SPATA9: variants seen among roughly 807,000 people sequenced by gnomAD.
SPATA9 encodes the protein spermatogenesis associated 9, also known as spermatogenesis-associated protein 9.
A neutral mutation model predicts 25.5 loss-of-function variants in SPATA9; 27 were observed. The ratio of observed to expected loss-of-function variants is 1.06; its 90% CI spans 0.78 to 1.46. SPATA9 has a LOEUF of 1.46. Among genes scored for constraint, SPATA9 ranks in the 40% most tolerant of loss-of-function variants. The pLI, the probability that SPATA9 is intolerant of heterozygous loss-of-function variation, is 0.00. For missense variants in SPATA9, 282 were observed against 297.5 expected (o/e 0.95, Z 0.38); for synonymous variants, 102 against 105.7 (o/e 0.97, Z 0.21).
intron 2 of SPATA9, among the ~76,000 whole-genome samples, chr5:95,681,698 G>A (rs571328617): frequency 6.6e-6 from 1 of 152,300 alleles, no homozygotes; most frequent in South Asian, 2.1e-4. Flanking sequence ...CGTGGTTAAA[G>A]TTAGCTCTAA....
At chr5:95,684,740 A>T (rs1753692923), upstream of SPATA9, 1 of 152,158 alleles carries the variant, frequency 6.6e-6, no homozygotes, top group African/African-American at 2.4e-5. Context: ...TATGCATCTT[A>T]TGTTATTTCA....
At chr5:95,694,953 T>C (rs1239611597) in intron 1 of SPATA9, among the ~76,000 whole-genome samples, 1 of 152,138 alleles carries the variant, frequency 6.6e-6, no homozygotes, top group Non-Finnish European at 1.5e-5. Context: ...ATAAAATCAC[T>C]AATTATTGAA....
the SPATA9 span, among the ~76,000 whole-genome samples, chr5:95,715,136 C>T: frequency 3.9e-5 from 6 of 151,944 alleles, no homozygotes; most frequent in Admixed American, 6.6e-5. Context: ...CCACCCTGGC[C>T]AACATGGTGA....
chr5:95,696,653 G>C (rs1754030224), intron 1 of SPATA9, among the ~76,000 whole-genome samples: 1 of 152,196 alleles, frequency 6.6e-6, no homozygotes, highest in South Asian at 2.1e-4. Flanking sequence ...GAGGCAAGAG[G>C]ACTGCTTGGG....
chr5:95,710,880 A>C, the SPATA9 span, among the ~76,000 whole-genome samples: 1 of 152,162 alleles, frequency 6.6e-6, no homozygotes, highest in African/African-American at 2.4e-5. Context: ...GGCTATTTCT[A>C]AAAGCTGACT....
chr5:95,715,040 T>C, the SPATA9 span, among the ~76,000 whole-genome samples: 26 of 151,928 alleles, frequency 1.7e-4, no homozygotes, highest in Non-Finnish European at 2.5e-4. Flanking sequence ...TTATGTAAGA[T>C]TGTGGCCGGG....
At chr5:95,657,717 T>TG (rs1750846855), downstream of SPATA9, 1 of 152,146 alleles carries the variant, frequency 6.6e-6, no homozygotes, top group Non-Finnish European at 1.5e-5. Context: ...GAGTAGCACT[T>TG]GGTCCTCATT....
downstream of SPATA9, chr5:95,652,449 A>C: frequency 7.6e-7 from 1 of 1,319,870 alleles, no homozygotes; most frequent in South Asian, 1.7e-5. Flanking sequence ...TGTCTCTGAG[A>C]TACCTTAAAC....
upstream of SPATA9, among the ~76,000 whole-genome samples, chr5:95,702,925 G>A (rs765538753): frequency 1.3e-4 from 20 of 152,102 alleles, no homozygotes; most frequent in African/African-American, 9.7e-5. Context: ...ACTCTACTGC[G>A]GAACATGCAG....
At chr5:95,670,840 C>T (rs1189243376) in intron 3 of SPATA9, 2 of 985,270 alleles carry the variant, frequency 2.0e-6, no homozygotes, top group African/African-American at 3.5e-5. Context: ...CTTTGACTCT[C>T]CAGGCCATTG....
intron 1 of SPATA9, among the ~76,000 whole-genome samples, chr5:95,688,289 G>A (rs1225634702): frequency 2.0e-5 from 3 of 152,294 alleles, no homozygotes; most frequent in Middle Eastern, 6.8e-3. Context: ...CTCACAAAGT[G>A]CAAGAGGTGC....
At chr5:95,653,347 ATT>A, downstream of SPATA9, 1 of 1,257,168 alleles carries the variant, frequency 8.0e-7, no homozygotes, top group African/African-American at 1.5e-5. Flanking sequence ...GCTGAAGACT[ATT>A]CAGACAATCA....
intron 2 of SPATA9, among the ~76,000 whole-genome samples, chr5:95,676,524 T>C (rs1752963684): frequency 6.6e-6 from 1 of 152,224 alleles, no homozygotes; most frequent in South Asian, 2.1e-4. Flanking sequence ...TTCTTTGTCA[T>C]AGGCAATTAT....
At chr5:95,667,160 A>G (rs1306032706) in intron 3 of SPATA9, among the ~76,000 whole-genome samples, 2 of 152,218 alleles carry the variant, frequency 1.3e-5, no homozygotes, top group African/African-American at 4.8e-5. Context: ...AATTATTAAA[A>G]TATGTGTACA....
chr5:95,705,658 A>T, the SPATA9 span, among the ~76,000 whole-genome samples: 1 of 152,222 alleles, frequency 6.6e-6, no homozygotes, highest in Non-Finnish European at 1.5e-5. Flanking sequence ...CTTTAAACCC[A>T]ACTCTATAAT....
chr5:95,731,945 G>T, the SPATA9 span: 1 of 1,614,148 alleles, frequency 6.2e-7, no homozygotes, highest in Non-Finnish European at 8.5e-7. Context: ...ACTTACCTGG[G>T]GAGAAGCCCT....
At chr5:95,654,104 T>A (rs752543791), downstream of SPATA9, 83 of 1,611,846 alleles carry the variant, frequency 5.1e-5, no homozygotes, top group Non-Finnish European at 6.3e-5. Context: ...AAAGAGGGAA[T>A]ATTCTTCTGT....
the SPATA9 span, among the ~76,000 whole-genome samples, chr5:95,722,253 A>T: frequency 2.0e-5 from 3 of 152,310 alleles, no homozygotes; most frequent in African/African-American, 7.2e-5. Flanking sequence ...TTAAAACATG[A>T]GCCAAATTAT....
chr5:95,728,845 C>G, the SPATA9 span, among the ~76,000 whole-genome samples: 1 of 152,140 alleles, frequency 6.6e-6, no homozygotes, highest in Non-Finnish European at 1.5e-5. Flanking sequence ...AGAAGCCGGC[C>G]AAAACCCACC....
Sources: gnomAD v4.1 joint callset for allele counts (sites outside exome capture counted in the v4.1 genomes callset) on GRCh38, gnomAD v4.1.1 for gene constraint, MANE v1.5 for transcripts, NCBI Gene and HGNC (gene_info 2026-07-23, HGNC 2026-07-21) for gene names.